Variants in TPRKB observed in about 807,000 individuals in gnomAD.
The protein encoded by TPRKB is TP53RK binding protein.
TPRKB carries 11 observed loss-of-function variants against 17.8 expected under a neutral mutation model. The ratio of observed to expected loss-of-function variants is 0.62; its 90% CI spans 0.39 to 1.02. The LOEUF is 1.02. TPRKB is among the 50% of genes least tolerant of loss of function. The pLI is 0.00. For synonymous variants in TPRKB, 71 were observed against 69.5 expected (o/e 1.02, Z -0.11); for missense variants, 228 against 198.0 (o/e 1.15, Z -0.91).
At chr2:73,733,097 A>G (rs1558758416) in intron 2 of TPRKB, among the ~76,000 whole-genome samples, 1 of 152,204 alleles carries the variant, frequency 6.6e-6, no homozygotes, top group Non-Finnish European at 1.5e-5. Context: ...GCTGTTGTGA[A>G]GATTAAGCAA....
chr2:73,730,590 A>G lies in TPRKB; in HGVS notation c.411T>C (p.Pro137=). 1.9e-6 allele frequency: 3 copies of G among 1,590,564 alleles called. No homozygotes were observed. Among genetic ancestry groups the G allele is most frequent in the South Asian group, 2.3e-5 (2 of 85,456 alleles). The part of the protein sequence containing the change: ...EGHQVSLKNL[P]EIMNITEVKK... ...TGACTTCTGTAATATTCATTATTTC[A>G]GGAAGATTTTTCAGAGAAACCTGAT... Residue 137 remains proline (P), a synonymous_variant, in exon 4 of 5, where the codon CCT becomes CCC. Coordinates refer to ENST00000272424, the MANE Select transcript of TPRKB (RefSeq NM_016058.5).
chr2:73,734,470 T>C lies in TPRKB; in HGVS notation c.100A>G (p.Met34Val), dbSNP rs182949278. Residue 34 changes from methionine (M) to valine (V), a missense_variant, in exon 2 of 5, where the codon ATG (methionine) becomes GTG (valine). Physicochemically the swap from Met to Val is conservative, Grantham distance 21. Coordinates refer to ENST00000272424, the MANE Select transcript of TPRKB (RefSeq NM_016058.5). The part of the protein sequence containing the change: ...KNAGDLRRKA[M>V]EGTIDGSLIN... ...AGTGATCCATCGATGGTGCCTTCCA[T>C]GGCCTTTCTTCTCAAGTCTCCCGCA... 3.7e-6 allele frequency: 6 copies of C among 1,613,920 alleles called. No homozygotes were observed. In the African/African-American group the frequency reaches 4.0e-5, roughly 11 times the overall value.
Position 73,729,880 on chromosome 2 carries a change from GT to G in TPRKB, c.*62del, listed in dbSNP as rs1671507848. ...TCTATAATGCACAATTAGTTTTATA[GT>G]CAGGAAAGGAAAATCAATGTTTTCT... is the stretch of plus-strand genomic sequence containing the variant. On this transcript the variant is annotated 3_prime_UTR_variant, in exon 5 of 5. Coordinates refer to ENST00000272424, the MANE Select transcript of TPRKB (RefSeq NM_016058.5). 13 of 1,350,246 alleles carry G rather than the reference GT, an allele frequency of 9.6e-6. No homozygotes were observed. The highest frequency in any genetic ancestry group is 1.3e-5 in the Non-Finnish European group (13 of 1,023,202). 83.6% of individuals were successfully genotyped at this position (1,350,246 alleles called of 1,614,324 possible). A position where few individuals can be genotyped will look rare whatever the true frequency, so the allele number is the denominator to read the frequency against.
intron 3 of TPRKB, 71 bp from the exon 4 acceptor site, chr2:73,730,807 T>C (rs1671572238): frequency 8.9e-7 from 1 of 1,123,412 alleles, no homozygotes; most frequent in African/African-American, 1.6e-5. Context: ...AAACATTTCC[T>C]GATCTGCCTT....
chr2:73,730,015 A>G lies in TPRKB; in HGVS notation c.456T>C (p.Ser152=), dbSNP rs1251616364. The part of the protein sequence containing the change: ...ITEVKKIYKL[S]SQEESIGTLL... ...ATGTCCCAATACTTTCTTCTTGTGAAGAGAGTTTATATATCTGTAAAAATG... is the reference window on the plus strand; with the variant it reads ...ATGTCCCAATACTTTCTTCTTGTGAGGAGAGTTTATATATCTGTAAAAATG... The change falls in exon 5 of 5, where the codon TCT becomes TCC. Residue 152 remains serine (S), a synonymous_variant. Coordinates refer to ENST00000272424, the MANE Select transcript of TPRKB (RefSeq NM_016058.5). 5 of 1,572,392 alleles carry G rather than the reference A, an allele frequency of 3.2e-6. No homozygotes were observed. Among genetic ancestry groups the G allele is most frequent in the Non-Finnish European group, 4.3e-6 (5 of 1,156,602 alleles).
chr2:73,735,376 T>C (rs192226020), intron 1 of TPRKB, among the ~76,000 whole-genome samples: 25 of 151,756 alleles, frequency 1.6e-4, no homozygotes, highest in Non-Finnish European at 3.1e-4. Context: ...TTAGGAGATA[T>C]ACCTAATGTA....
Position 73,732,221 on chromosome 2 carries a change from T to G in TPRKB, c.206A>C (p.Lys69Thr). 6.2e-7 allele frequency: 1 copy of G among 1,614,116 alleles called. No homozygotes were observed. Among genetic ancestry groups the G allele is most frequent in the Non-Finnish European group, 8.5e-7 (1 of 1,179,972 alleles). Residue 69 changes from lysine (K) to threonine (T), a missense_variant, in exon 3 of 5, where the codon AAA becomes ACA. By Grantham distance (78) the Lys-to-Thr change is moderately conservative. Transcript: ENST00000272424. ...AGTAGATAGAGTTCTTGTCTTCATT[T>G]TTCCCAGTTTGTAGAGGTGAACTGC... ...NKAVHLYKLG[K>T]MKTRTLSTEI...
Position 73,730,651 on chromosome 2 carries a change from ATTTG to A in TPRKB, c.346_349del (p.Gln116Ter), listed in dbSNP as rs1440375870. On this transcript the variant is annotated frameshift_variant, in exon 4 of 5. Transcript: ENST00000272424. LOFTEE classifies it high-confidence loss of function. ...TTGAGATATTAGGTATTCTTGATTT[ATTTG>A]TTTTTCTCCCTCTTCAATGTAAACA... 13 of 1,591,668 alleles carry A rather than the reference ATTTG, an allele frequency of 8.2e-6. No homozygotes were observed. Among genetic ancestry groups the A allele is most frequent in the African/African-American group, 1.4e-5 (1 of 73,258 alleles).
At chr2:73,733,045 TTTTA>T (rs1249802747) in intron 2 of TPRKB, among the ~76,000 whole-genome samples, 2 of 152,142 alleles carry the variant, frequency 1.3e-5, no homozygotes, top group Non-Finnish European at 2.9e-5. Context: ...TTCATTAGCA[TTTTA>T]TTTGTTAGAG....
rs754816786 is a variant in TPRKB, at chr2:73,732,197, GTAGA to G, written c.226_229del (p.Ser76LeufsTer17). The G allele has an allele frequency of 4.3e-6, 7 of 1,613,722 alleles. No homozygotes were observed. Among genetic ancestry groups the G allele is most frequent in the Non-Finnish European group, 5.9e-6 (7 of 1,179,844 alleles). On this transcript the variant is annotated frameshift_variant, in exon 3 of 5. Transcript: ENST00000272424. LOFTEE classifies it high-confidence loss of function. ...TGGGGAAAGGTTGAAAATAATTTCA[GTAGA>G]TAGAGTTCTTGTCTTCATTTTTCCC...
At chr2:73,730,952 A>T (rs1671580146) in intron 3 of TPRKB, 1 of 383,630 alleles carries the variant, frequency 2.6e-6, no homozygotes, top group African/African-American at 2.1e-5. Flanking sequence ...CCTTGTTCCT[A>T]TGGAATCAAG....
Position 73,732,281 on chromosome 2 carries a change from A to C in TPRKB, c.146T>G (p.Val49Gly), listed in dbSNP as rs1238613100. The C allele has an allele frequency of 6.2e-7, 1 of 1,611,456 alleles. No individual in the cohort carries two copies. The highest frequency in any genetic ancestry group is 2.2e-5 in the East Asian group (1 of 44,860). ...TGCCACAAGTATCTGAAATGGATCA[A>C]CAATCTACCAAAGCAAGGAAAAAGA... ...DGSLINPTVI[V>G]DPFQILVAAN... is the part of the protein sequence containing the mutation. Residue 49 changes from valine to glycine, a missense_variant, in exon 3 of 5, where the codon GTT (valine) becomes GGT (glycine). By Grantham distance (109) the Val-to-Gly change is moderately radical. Coordinates refer to ENST00000272424, the MANE Select transcript of TPRKB (RefSeq NM_016058.5).
chr2:73,737,207 A>C (rs1178773037), intron 1 of TPRKB, 95 bp downstream of exon 1: 1 of 152,272 alleles, frequency 6.6e-6, no homozygotes, highest in Non-Finnish European at 1.5e-5. Context: ...CCGCTTGAGA[A>C]ATACCAACCG....
chr2:73,729,912 G>A lies in TPRKB; in HGVS notation c.*31C>T. 6.8e-7 allele frequency: 1 copy of A among 1,480,270 alleles called. No homozygotes were observed. Among genetic ancestry groups the A allele is most frequent in the Non-Finnish European group, 9.1e-7 (1 of 1,100,508 alleles). The allele number at this position is 1,480,270 out of a possible 1,614,324, so 91.7% of individuals were successfully genotyped here. A position where few individuals can be genotyped will look rare whatever the true frequency, so the allele number is the denominator to read the frequency against. On this transcript the variant is annotated 3_prime_UTR_variant, in exon 5 of 5. Coordinates refer to ENST00000272424, the MANE Select transcript of TPRKB (RefSeq NM_016058.5). The stretch of plus-strand genomic sequence containing the variant: ...AAGGAAAATCAATGTTTTCTTTAAT[G>A]CTGAGAATTTTTGTTAATATTTCTG...
chr2:73,732,407 T>G, intron 2 of TPRKB, 122 bp from the exon 3 acceptor site: 1 of 1,162,016 alleles, frequency 8.6e-7, no homozygotes. Flanking sequence ...TCTTACGGTC[T>G]GTATTTTCAA....
rs3076394 is a variant in TPRKB at position 73,733,246 on chromosome 2, G to GTTTTTTTTTTTTTTTT, written c.142-962_142-961insAAAAAAAAAAAAAAAA. ...AACATGATCGCACTGCGTGTGCCCT[G>GTTTTTTTTTTTTTTTT]TTTTTTTGTTTTTTTTTTTTTTTGG... On this transcript the variant is annotated intron_variant, in intron 2 of 4. Coordinates refer to ENST00000272424, the MANE Select transcript of TPRKB (RefSeq NM_016058.5). Among the ~76,000 whole-genome samples the GTTTTTTTTTTTTTTTT allele has an allele frequency of 1.7e-5, 2 of 119,378 alleles. 1 individual carries two copies. Among genetic ancestry groups the GTTTTTTTTTTTTTTTT allele is most frequent in the Admixed American group, 1.9e-4 (2 of 10,582 alleles). 78.3% of individuals were successfully genotyped at this position (119,378 alleles called of 152,430 possible).
chr2:73,734,819 G>C (rs1671805933), intron 1 of TPRKB, among the ~76,000 whole-genome samples: 1 of 152,236 alleles, frequency 6.6e-6, no homozygotes, highest in African/African-American at 2.4e-5. Flanking sequence ...GCTGGTTGCT[G>C]TTTGTTCAGA....
chr2:73,736,382 T>C (rs1671879828), intron 1 of TPRKB, among the ~76,000 whole-genome samples: 1 of 151,926 alleles, frequency 6.6e-6, no homozygotes, highest in African/African-American at 2.4e-5. Flanking sequence ...AATATTTTGT[T>C]ATGTATGTTC....
At position 73,732,022 on chromosome 2, in the gene TPRKB, ACT is replaced by A. The variant is rs1366610399; in HGVS notation, c.264+139_264+140del. On this transcript the variant is annotated intron_variant, in intron 3 of 4. Transcript: ENST00000272424. ...TAGTAAGAGGCAGGGTTAAACCTCA[ACT>A]CTCTGTCCAGAGCTCTCTTCACTAT... 15 of 946,414 alleles carry A rather than the reference ACT, an allele frequency of 1.6e-5. No individual in the cohort carries two copies. The Admixed American group carries it at 3.4e-4, about 21-fold the overall frequency. The allele number at this position is 946,414 out of a possible 1,614,324, so 58.6% of individuals were successfully genotyped here. A position where few individuals can be genotyped will look rare whatever the true frequency, so the allele number is the denominator to read the frequency against.
Sources: gnomAD v4.1 joint callset for allele counts (sites outside exome capture counted in the v4.1 genomes callset) on GRCh38, gnomAD v4.1.1 for gene constraint, MANE v1.5 for transcripts, NCBI Gene and HGNC (gene_info 2026-07-23, HGNC 2026-07-21) for gene names.